Variants in CALHM3 observed in about 807,000 individuals in gnomAD.
CALHM3 encodes calcium homeostasis modulator 3.
In CALHM3, 9 loss-of-function variants were observed where a neutral mutation model predicts 13.6. That is an observed-to-expected ratio of 0.66 (90% CI 0.40 to 1.15). CALHM3 has a LOEUF of 1.15. CALHM3 is among the 50% of genes most tolerant of loss of function. The pLI is 0.01. For synonymous variants in CALHM3, 231 were observed against 213.2 expected (o/e 1.08, Z -0.73); for missense variants, 497 against 463.4 (o/e 1.07, Z -0.67).
rs746980178 is a variant in CALHM3, at chr10:103,478,799, G to A, written c.234C>T (p.Val78=). 49 of 1,551,032 alleles carry A rather than the reference G, an allele frequency of 3.2e-5. 3 individuals carry two copies. The South Asian group carries it at 3.9e-4, about 12-fold the overall frequency. ...LLANRQSVVM[V]EEWRRPAGHR... ...GCCCTGCGGGCCGGCGCCACTCCTC[G>A]ACCATCACCACAGACTGCCGGTTGG... is the stretch of plus-strand genomic sequence containing the variant. The change falls in exon 1 of 3, where the codon GTC becomes GTT. Residue 78 remains valine (V), a synonymous_variant. Coordinates refer to ENST00000369783, the MANE Select transcript of CALHM3 (RefSeq NM_001129742.2).
rs2033392120 is a variant in CALHM3 at position 103,476,556 on chromosome 10, G to A, written c.288-7C>T. The A allele has an allele frequency of 1.9e-5, 29 of 1,550,744 alleles. No individual in the cohort carries two copies. The highest frequency in any genetic ancestry group is 2.4e-5 in the Non-Finnish European group (27 of 1,146,584). On this transcript the variant is annotated splice_region_variant and splice_polypyrimidine_tract_variant and intron_variant, in intron 1 of 2. Coordinates refer to ENST00000369783, the MANE Select transcript of CALHM3 (RefSeq NM_001129742.2). The stretch of plus-strand genomic sequence containing the variant: ...CACAGAGGAGCACATGTACCTGGCA[G>A]CAGAGGAAGGAGGGGGGTCAAGGGG...
intron 1 of CALHM3, among the ~76,000 whole-genome samples, chr10:103,477,510 G>A (rs959924678): frequency 1.3e-5 from 2 of 152,228 alleles, no homozygotes; most frequent in East Asian, 1.9e-4. Context: ...AGGTGTGTGC[G>A]TGCATGGCCT....
In CALHM3 at chr10:103,473,050, A is replaced by G; in HGVS notation, c.*163T>C. On this transcript the variant is annotated 3_prime_UTR_variant, in exon 3 of 3. Transcript: ENST00000369783. ...CATTAAAGTTTGTGAAGCGCGCTGG[A>G]GGCCACACCCAGAAACTAGGCAGAG... The G allele has an allele frequency of 1.4e-6, 1 of 701,214 alleles. No homozygotes were observed. The highest frequency in any genetic ancestry group is 2.0e-6 in the Non-Finnish European group (1 of 498,880). The allele number at this position is 701,214 out of a possible 1,614,324, so 43.4% of individuals were successfully genotyped here.
chr10:103,476,976 A>G (rs997655155), intron 1 of CALHM3, among the ~76,000 whole-genome samples: 2 of 152,364 alleles, frequency 1.3e-5, no homozygotes, highest in Non-Finnish European at 2.9e-5. Flanking sequence ...CTTCAACCCC[A>G]GAGGGATGGG....
At chr10:103,474,936 A>G (rs1471955974) in intron 2 of CALHM3, among the ~76,000 whole-genome samples, 3 of 152,204 alleles carry the variant, frequency 2.0e-5, no homozygotes, top group African/African-American at 7.2e-5. Context: ...ATAGGTGATG[A>G]CTGGGTACTT....
At chr10:103,478,436 C>T (rs2033414891) in intron 1 of CALHM3, among the ~76,000 whole-genome samples, 1 of 152,220 alleles carries the variant, frequency 6.6e-6, no homozygotes, top group African/African-American at 2.4e-5. Flanking sequence ...TTTCCCGCAG[C>T]CCCTAGAGTG....
Position 103,476,486 on chromosome 10 carries a change from G to A in CALHM3, c.351C>T (p.Ala117=). ...ACACGAAGCACTTCCCGTCAAGGAG[G>A]GCCAGCAGGATCCAGACCAGGGGGG... ...LAAPLVWILL[A]LLDGKCFVCA... The change falls in exon 2 of 3, where the codon GCC becomes GCT. Residue 117 remains alanine, a synonymous_variant. Transcript: ENST00000369783. 2.6e-6 allele frequency: 4 copies of A among 1,551,686 alleles called. No individual in the cohort carries two copies. The South Asian group carries it at 4.8e-5, about 18-fold the overall frequency.
intron 1 of CALHM3, among the ~76,000 whole-genome samples, chr10:103,477,193 C>A (rs979950449): frequency 6.6e-6 from 1 of 152,200 alleles, no homozygotes; most frequent in African/African-American, 2.4e-5. Flanking sequence ...CTCTAACACC[C>A]CTACCCACAA....
rs1377406977 is a variant in CALHM3 at position 103,473,482 on chromosome 10, C to T, written c.766G>A (p.Ala256Thr). The part of the protein sequence containing the change: ...FFASMRSELQ[A>T]RGLRRGNAGR... Reference sequence around the variant, plus strand: ...GCATTGCCCCGGCGCAGCCCCCGCGCCTGCAGCTCACTCCGCATGCTGGCA... The same window carrying T: ...GCATTGCCCCGGCGCAGCCCCCGCGTCTGCAGCTCACTCCGCATGCTGGCA... Residue 256 changes from alanine (A) to threonine (T), a missense_variant, in exon 3 of 3, where the codon GCG becomes ACG. Transcript: ENST00000369783. The T allele has an allele frequency of 3.9e-6, 6 of 1,549,508 alleles. No individual in the cohort carries two copies. The Admixed American group carries it at 7.9e-5, about 20-fold the overall frequency.
Position 103,472,836 on chromosome 10 carries a change from A to T in CALHM3, c.*377T>A, listed in dbSNP as rs1387513470. ...GCAGCAGACTAAGGTCATTATTATT[A>T]TTTAGAATTGACATCTAGAACCCAG... On this transcript the variant is annotated 3_prime_UTR_variant, in exon 3 of 3. Coordinates refer to ENST00000369783, the MANE Select transcript of CALHM3 (RefSeq NM_001129742.2). The T allele has an allele frequency of 5.0e-6, 1 of 198,746 alleles. No homozygotes were observed. The highest frequency in any genetic ancestry group is 1.0e-5 in the Non-Finnish European group (1 of 99,592). The allele number at this position is 198,746 out of a possible 1,614,324, so 12.3% of individuals were successfully genotyped here.
chr10:103,472,929 C>A lies in CALHM3; in HGVS notation c.*284G>T. 1 of 356,074 alleles carries A rather than the reference C, an allele frequency of 2.8e-6. No homozygotes were observed. Among genetic ancestry groups the A allele is most frequent in the Non-Finnish European group, 5.0e-6 (1 of 200,164 alleles). 22.1% of individuals were successfully genotyped at this position (356,074 alleles called of 1,614,324 possible). ...GGTTCACTGACCAAAAGCACATCAG[C>A]CTCCAGGAGCTTGTTTAAAATGCAG... On this transcript the variant is annotated 3_prime_UTR_variant, in exon 3 of 3. Transcript: ENST00000369783.
Position 103,478,999 on chromosome 10 carries a change from G to A in CALHM3, c.34C>T (p.Gln12Ter). 4 of 1,551,478 alleles carry A rather than the reference G, an allele frequency of 2.6e-6. No individual in the cohort carries two copies. Among genetic ancestry groups the A allele is most frequent in the Non-Finnish European group, 3.5e-6 (4 of 1,146,878 alleles). Residue 12 changes from glutamine (Q) to a stop codon, truncating the protein, a stop_gained, in exon 1 of 3, where the codon CAG becomes TAG. Transcript: ENST00000369783. LOFTEE classifies it high-confidence loss of function. ...DKFRMLFQHF[Q>*]SSSESVMNGI... Reference sequence around the variant, plus strand: ...TTCATCACCGACTCCGAGCTTGACTGGAAGTGCTGGAAGAGCATGCGGAAT... The same window carrying A: ...TTCATCACCGACTCCGAGCTTGACTAGAAGTGCTGGAAGAGCATGCGGAAT...
chr10:103,475,664 A>C (rs1040635365), intron 2 of CALHM3, among the ~76,000 whole-genome samples: 3 of 152,236 alleles, frequency 2.0e-5, no homozygotes, highest in African/African-American at 7.2e-5. Context: ...CCCAAGGGGC[A>C]GGGGCTGTGT....
At position 103,478,832 on chromosome 10, in the gene CALHM3, G is replaced by C. The variant is rs1296621850; in HGVS notation, c.201C>G (p.Gly67=). The change falls in exon 1 of 3, where the codon GGC becomes GGG. Residue 67 remains glycine, a synonymous_variant. Coordinates refer to ENST00000369783, the MANE Select transcript of CALHM3 (RefSeq NM_001129742.2). ...CCACAGACTGCCGGTTGGCGAGGAG[G>C]CCGCAGAGAAACAGGGCGAGCGGGG... is the stretch of plus-strand genomic sequence containing the variant. ...LTPPLALFLC[G]LLANRQSVVM... 6.4e-7 allele frequency: 1 copy of C among 1,551,606 alleles called. No homozygotes were observed. The highest frequency in any genetic ancestry group is 2.0e-5 in the Admixed American group (1 of 51,014).
chr10:103,479,057 G>A lies in CALHM3; in HGVS notation c.-25C>T, dbSNP rs1182035623. On this transcript the variant is annotated 5_prime_UTR_variant, in exon 1 of 3. Coordinates refer to ENST00000369783, the MANE Select transcript of CALHM3 (RefSeq NM_001129742.2). ...TGGCTCCAGCCTGGGTGGGTGGGCGGCCGTCGGTTCGGCTCAGTGAGGCTC... is the reference window on the plus strand; with the variant it reads ...TGGCTCCAGCCTGGGTGGGTGGGCGACCGTCGGTTCGGCTCAGTGAGGCTC... The A allele has an allele frequency of 2.0e-6, 3 of 1,529,780 alleles. No individual in the cohort carries two copies. Among genetic ancestry groups the A allele is most frequent in the South Asian group, 2.5e-5 (2 of 79,290 alleles). The allele number at this position is 1,529,780 out of a possible 1,614,324, so 94.8% of individuals were successfully genotyped here.
intron 1 of CALHM3, among the ~76,000 whole-genome samples, chr10:103,477,138 C>T (rs1592164071): frequency 6.6e-6 from 1 of 152,188 alleles, no homozygotes; most frequent in East Asian, 1.9e-4. Flanking sequence ...TGGAGGAGAG[C>T]CTAAGCTAAG....
chr10:103,473,072 AG>A lies in CALHM3; in HGVS notation c.*140del. The A allele has an allele frequency of 1.1e-6, 1 of 904,798 alleles. No homozygotes were observed. The highest frequency in any genetic ancestry group is 1.7e-5 in the African/African-American group (1 of 57,836). 56.0% of individuals were successfully genotyped at this position (904,798 alleles called of 1,614,324 possible). ...TGGAGGCCACACCCAGAAACTAGGCAGAGATTGGGCTACTTTAAAAAGGAGG... is the reference window on the plus strand; with the variant it reads ...TGGAGGCCACACCCAGAAACTAGGCAAGATTGGGCTACTTTAAAAAGGAGG... On this transcript the variant is annotated 3_prime_UTR_variant, in exon 3 of 3. Transcript: ENST00000369783.
chr10:103,478,674 TGAC>T, intron 1 of CALHM3, 69 bp downstream of exon 1: 1 of 1,417,338 alleles, frequency 7.1e-7, no homozygotes, highest in Non-Finnish European at 9.4e-7. Context: ...GGGGTGCACT[TGAC>T]AGTGCCTGTG....
chr10:103,473,605 A>G lies in CALHM3; in HGVS notation c.643T>C (p.Tyr215His). 1 of 1,551,382 alleles carries G rather than the reference A, an allele frequency of 6.4e-7. No individual in the cohort carries two copies. Among genetic ancestry groups the G allele is most frequent in the South Asian group, 1.2e-5 (1 of 84,064 alleles). Reference protein sequence around the residue: ...FDQTVFLQRRYWSNYVDLEQK... With the variant: ...FDQTVFLQRRHWSNYVDLEQK... ...TCCAGGTCCACGTAGTTGCTCCAGTATCTGCGCTGCAGGAAGACTGTCTGG... is the reference window on the plus strand; with the variant it reads ...TCCAGGTCCACGTAGTTGCTCCAGTGTCTGCGCTGCAGGAAGACTGTCTGG... Residue 215 changes from tyrosine (Y) to histidine (H), a missense_variant, in exon 3 of 3, where the codon TAC (tyrosine) becomes CAC (histidine). Physicochemically the swap from Tyr to His is moderately conservative, Grantham distance 83 (BLOSUM62 2). Coordinates refer to ENST00000369783, the MANE Select transcript of CALHM3 (RefSeq NM_001129742.2).
Sources: gnomAD v4.1 joint callset for allele counts (sites outside exome capture counted in the v4.1 genomes callset) on GRCh38, gnomAD v4.1.1 for gene constraint, MANE v1.5 for transcripts, NCBI Gene and HGNC (gene_info 2026-07-23, HGNC 2026-07-21) for gene names.